Variants in UHRF2 observed in about 807,000 individuals in gnomAD.
UHRF2 encodes ubiquitin like with PHD and ring finger domains 2.
A neutral mutation model predicts 96.8 loss-of-function variants in UHRF2; 23 were observed. The ratio of observed to expected loss-of-function variants is 0.24; its 90% CI spans 0.17 to 0.34. UHRF2 has a LOEUF of 0.34. Ranked by LOEUF, UHRF2 falls within the 10% of genes least tolerant of loss-of-function variation. The probability of loss-of-function intolerance (pLI) is 1.00; values close to 1 mark genes in which losing one functional copy is unlikely to be tolerated. For synonymous variants in UHRF2, 385 were observed against 332.6 expected (o/e 1.16, Z -1.72); for missense variants, 685 against 981.5 (o/e 0.70, Z 4.04).
At chr9:6,481,207 A>G (rs983174659) in intron 6 of UHRF2, among the ~76,000 whole-genome samples, 1 of 152,212 alleles carries the variant, frequency 6.6e-6, no homozygotes, top group Non-Finnish European at 1.5e-5. Context: ...AGTCCTGTAT[A>G]CTTGTTATAT....
chr9:6,495,996 A>G (rs1382036901), intron 10 of UHRF2: 5 of 152,114 alleles, frequency 3.3e-5, no homozygotes, highest in East Asian at 3.9e-4. Flanking sequence ...TTCCTTTTAG[A>G]TTAAAAAAAA....
chr9:6,414,808 C>G (rs1819496713), intron 1 of UHRF2, among the ~76,000 whole-genome samples: 1 of 151,994 alleles, frequency 6.6e-6, no homozygotes, highest in Admixed American at 6.6e-5. Flanking sequence ...AAGGAGAGAG[C>G]TTTTTTTTCC....
At chr9:6,416,077 GT>G (rs908870663) in intron 1 of UHRF2, among the ~76,000 whole-genome samples, 6 of 148,746 alleles carry the variant, frequency 4.0e-5, no homozygotes, top group South Asian at 4.3e-4. Context: ...TGTTGTTTTT[GT>G]TTTTTTTTTA....
At position 6,413,541 on chromosome 9, in the gene UHRF2, G is replaced by C. The variant is rs754454228; in HGVS notation, c.51G>C (p.Glu17Asp). 6.3e-7 allele frequency: 1 copy of C among 1,596,484 alleles called. No homozygotes were observed. Among genetic ancestry groups the C allele is most frequent in the South Asian group, 1.1e-5 (1 of 89,024 alleles). The change falls in exon 1 of 16, where the codon GAG (glutamate) becomes GAC (aspartate). Residue 17 changes from glutamate (E) to aspartate (D), a missense_variant. By Grantham distance (45) the Glu-to-Asp change is conservative. Around this residue, in one of 6 missense-constraint regions of UHRF2, gnomAD observed 38 missense variants for 35.9 expected, o/e 1.06. Coordinates refer to ENST00000276893, the MANE Select transcript of UHRF2 (RefSeq NM_152896.3). The part of the protein sequence containing the change: ...TIDGSKTCTI[E>D]DVSRKATIEE... ...ATGGCTCCAAGACGTGCACCATTGAGGACGTGTCTCGCAAAGCCACGATTG... is the reference window on the plus strand; with the variant it reads ...ATGGCTCCAAGACGTGCACCATTGACGACGTGTCTCGCAAAGCCACGATTG...
intron 3 of UHRF2, among the ~76,000 whole-genome samples, chr9:6,453,280 T>C (rs944753095): frequency 1.3e-5 from 2 of 152,220 alleles, no homozygotes; most frequent in Non-Finnish European, 2.9e-5. Context: ...ATCTTTCCAT[T>C]CTGGGTATTT....
rs143779364 is a variant in UHRF2, at chr9:6,459,074, G to C, written c.645-1499G>C. ...ACACAGAGGGGCCTGTCGGAGGGTA[G>C]GGGGCTAGGGGAAGGATAGCATTAG... On this transcript the variant is annotated intron_variant, in intron 3 of 15. Coordinates refer to ENST00000276893, the MANE Select transcript of UHRF2 (RefSeq NM_152896.3). 2.5e-3 allele frequency among the ~76,000 whole-genome samples: 381 copies of C among 152,302 alleles called. 4 individuals carry two copies. Among genetic ancestry groups the C allele is most frequent in the Non-Finnish European group, 9.3e-4 (63 of 68,026 alleles).
intron 3 of UHRF2, among the ~76,000 whole-genome samples, chr9:6,457,081 C>G (rs1822226784): frequency 1.3e-5 from 2 of 152,152 alleles, no homozygotes; most frequent in African/African-American, 2.4e-5. Context: ...AGCATTGAAT[C>G]TATAAATTAC....
intron 3 of UHRF2, among the ~76,000 whole-genome samples, chr9:6,446,205 C>G (rs1448907078): frequency 6.6e-6 from 1 of 151,378 alleles, no homozygotes; most frequent in Non-Finnish European, 1.5e-5. Context: ...GGCTGAAGTG[C>G]AGTGGCTCAA....
intron 14 of UHRF2, among the ~76,000 whole-genome samples, chr9:6,503,156 G>A (rs1239148344): frequency 2.6e-5 from 4 of 151,952 alleles, no homozygotes; most frequent in Non-Finnish European, 5.9e-5. Flanking sequence ...CACCACGCCC[G>A]GCTAATTTCT....
At chr9:6,430,268 C>G (rs567827922) in intron 2 of UHRF2, among the ~76,000 whole-genome samples, 1 of 152,208 alleles carries the variant, frequency 6.6e-6, no homozygotes, top group African/African-American at 2.4e-5. Context: ...CCCTGGCCCC[C>G]TAAACTGCTG....
intron 4 of UHRF2, among the ~76,000 whole-genome samples, chr9:6,471,259 T>C (rs1030834943): frequency 6.6e-6 from 1 of 152,202 alleles, no homozygotes; most frequent in African/African-American, 2.4e-5. Flanking sequence ...AAGACCTGTG[T>C]AGTATCAGTG....
chr9:6,450,262 T>G (rs1821775319), intron 3 of UHRF2, among the ~76,000 whole-genome samples: 1 of 151,592 alleles, frequency 6.6e-6, no homozygotes, highest in African/African-American at 2.4e-5. Context: ...CCCCACCCAT[T>G]ACATTTAGTT....
chr9:6,504,752 C>G, intron 15 of UHRF2, 61 bp downstream of exon 15: 2 of 1,326,258 alleles, frequency 1.5e-6, no homozygotes, highest in Non-Finnish European at 2.1e-6. Context: ...ATTTCTATAC[C>G]TGTTTTTAGC....
At chr9:6,484,573 T>C (rs1824145661) in intron 8 of UHRF2, 1 of 150,582 alleles carries the variant, frequency 6.6e-6, no homozygotes, top group Non-Finnish European at 1.5e-5. Context: ...CAGCTGATTT[T>C]TGTGTTTTTT....
Position 6,494,861 on chromosome 9 carries a change from A to G in UHRF2, c.1604+929A>G, listed in dbSNP as rs947376043. ...GATTTCAAGACTTTCATGCGTATCAATTTACATAGAATCTCTGTTTTTATG... is the reference window on the plus strand; with the variant it reads ...GATTTCAAGACTTTCATGCGTATCAGTTTACATAGAATCTCTGTTTTTATG... On this transcript the variant is annotated intron_variant, in intron 10 of 15. Coordinates refer to ENST00000276893, the MANE Select transcript of UHRF2 (RefSeq NM_152896.3). The G allele has an allele frequency of 6.6e-5, 10 of 152,276 alleles. No homozygotes were observed. In the East Asian group the frequency reaches 7.7e-4, roughly 12 times the overall value. The allele number at this position is 152,276 out of a possible 1,614,324, so 9.4% of individuals were successfully genotyped here. A position where few individuals can be genotyped will look rare whatever the true frequency, so the allele number is the denominator to read the frequency against.
intron 3 of UHRF2, among the ~76,000 whole-genome samples, chr9:6,444,604 G>A (rs1337576126): frequency 6.6e-6 from 1 of 151,944 alleles, no homozygotes; most frequent in East Asian, 1.9e-4. Context: ...CTAAGAATCC[G>A]CTTTTTTTTT....
intron 8 of UHRF2, among the ~76,000 whole-genome samples, chr9:6,483,170 C>G (rs937688034): frequency 2.6e-5 from 4 of 151,598 alleles, no homozygotes; most frequent in Admixed American, 6.6e-5. Flanking sequence ...ACTAAAAATA[C>G]AAAAATCAGA....
At chr9:6,439,769 A>T (rs1821054455) in intron 3 of UHRF2, among the ~76,000 whole-genome samples, 2 of 152,198 alleles carry the variant, frequency 1.3e-5, no homozygotes, top group Non-Finnish European at 2.9e-5. Flanking sequence ...TTTAGTGGGC[A>T]CATACAACTT....
intron 3 of UHRF2, among the ~76,000 whole-genome samples, chr9:6,440,898 C>T (rs907492048): frequency 2.0e-5 from 3 of 152,182 alleles, no homozygotes; most frequent in African/African-American, 7.2e-5. Context: ...CTCTCCCTGG[C>T]ATTGATGTCT....
Sources: allele counts gnomAD v4.1 joint callset (sites outside exome capture counted in the v4.1 genomes callset), GRCh38; gene constraint gnomAD v4.1.1; regional missense constraint gnomAD v4.1.1; transcripts MANE v1.5; gene names NCBI Gene and HGNC (gene_info 2026-07-23, HGNC 2026-07-21).